NEBL: variants seen among roughly 807,000 people sequenced by gnomAD.
NEBL encodes the protein LIM and SH3 protein 2.
A neutral mutation model predicts 140.2 loss-of-function variants in NEBL; 122 were observed. That is an observed-to-expected ratio of 0.87 (90% CI 0.75 to 1.01). The LOEUF is 1.01. Ranked by LOEUF, NEBL falls within the 50% of genes least tolerant of loss-of-function variation. The pLI, the probability that NEBL is intolerant of heterozygous loss-of-function variation, is 0.00. For synonymous variants in NEBL, 436 were observed against 398.9 expected, an observed-to-expected ratio of 1.09 and a Z score of -1.11; for missense variants, 1,365 against 1,231.3, an observed-to-expected ratio of 1.11 and a Z score of -1.62.
chr10:21,252,782 C>G (rs998128375), intron 1 of NEBL, among the ~76,000 whole-genome samples: 2 of 152,074 alleles, frequency 1.3e-5, no homozygotes, highest in Non-Finnish European at 2.9e-5. Context: ...ATAGAGAAAC[C>G]CTGTCTCTAC....
rs768782402 is a variant in NEBL at position 20,845,233 on chromosome 10, T to G, written c.1227+25A>C. On this transcript the variant is annotated intron_variant, in intron 12 of 27. Coordinates refer to ENST00000377122, the MANE Select transcript of NEBL (RefSeq NM_006393.3). ...TTTTCTTTACTTTTCTTCATAATATTTAATAATAAACACCAAGATCGTACC... is the reference window on the plus strand; with the variant it reads ...TTTTCTTTACTTTTCTTCATAATATGTAATAATAAACACCAAGATCGTACC... 8.0e-6 allele frequency: 11 copies of G among 1,379,164 alleles called. No individual in the cohort carries two copies. The East Asian group carries it at 1.4e-4, about 17-fold the overall frequency. 85.4% of individuals were successfully genotyped at this position (1,379,164 alleles called of 1,614,324 possible).
At chr10:20,865,370 ATCCCTATT>A (rs1235643801) in intron 7 of NEBL, among the ~76,000 whole-genome samples, 2 of 152,172 alleles carry the variant, frequency 1.3e-5, no homozygotes, top group African/African-American at 4.8e-5. Flanking sequence ...TGTTGCTGTC[ATCCCTATT>A]TTACAAATGA....
At chr10:20,842,387 G>A (rs1396389904) in intron 12 of NEBL, among the ~76,000 whole-genome samples, 1 of 152,010 alleles carries the variant, frequency 6.6e-6, no homozygotes, top group Non-Finnish European at 1.5e-5. Context: ...AGGGCAATGG[G>A]GGGATCATAG....
chr10:20,858,635 A>G (rs759505071), intron 8 of NEBL, among the ~76,000 whole-genome samples: 1 of 152,248 alleles, frequency 6.6e-6, no homozygotes, highest in Non-Finnish European at 1.5e-5. Context: ...CAAAAAATAA[A>G]GAGAATAGCC....
At chr10:20,837,461 T>G (rs915682184) in intron 13 of NEBL, among the ~76,000 whole-genome samples, 8 of 152,086 alleles carry the variant, frequency 5.3e-5, no homozygotes, top group Non-Finnish European at 1.2e-4. Context: ...ACAAGAAAAG[T>G]TGGAAACTAG....
chr10:20,897,090 C>G (rs181676822), intron 1 of NEBL, 35 bp downstream of exon 1: 2 of 1,594,162 alleles, frequency 1.3e-6, no homozygotes, highest in Admixed American at 1.7e-5. Flanking sequence ...TTTAGAGGAA[C>G]AAACGCTGGT....
intron 3 of NEBL, among the ~76,000 whole-genome samples, chr10:20,990,104 G>A (rs960265050): frequency 6.6e-6 from 1 of 151,918 alleles, no homozygotes; most frequent in Admixed American, 6.6e-5. Context: ...ATTCTATTAT[G>A]AATTATTTTT....
chr10:20,992,777 T>C (rs1837514635), intron 3 of NEBL, among the ~76,000 whole-genome samples: 1 of 121,574 alleles, frequency 8.2e-6, no homozygotes, highest in Non-Finnish European at 1.7e-5. Flanking sequence ...TTTTTTTTTT[T>C]TTTTTTTTTT....
rs750724612 is a variant in NEBL, at chr10:20,831,584, C to T, written c.1450-1G>A. ...TCTCCAGATCTCTTTTATAGTCTTT[C>T]TGCAGAAAATGAAACATACAGTTAG... is the stretch of plus-strand genomic sequence containing the variant. On this transcript the variant is annotated splice_acceptor_variant, in intron 14 of 27. Coordinates refer to ENST00000377122, the MANE Select transcript of NEBL (RefSeq NM_006393.3). LOFTEE classifies it high-confidence loss of function. 13 of 1,585,248 alleles carry T rather than the reference C, an allele frequency of 8.2e-6. No individual in the cohort carries two copies. The highest frequency in any genetic ancestry group is 1.3e-5 in the African/African-American group (1 of 74,090).
chr10:21,207,319 A>G (rs1841843447), intron 3 of NEBL, among the ~76,000 whole-genome samples: 1 of 152,142 alleles, frequency 6.6e-6, no homozygotes, highest in East Asian at 1.9e-4. Context: ...TATAGGAATG[A>G]TGGGGATGTG....
chr10:21,208,748 C>G (rs115379156), intron 3 of NEBL, among the ~76,000 whole-genome samples: 2,695 of 152,252 alleles, frequency 0.018, 84 homozygotes, highest in African/African-American at 0.061. Context: ...CACATACATT[C>G]CTTCCACCCA....
intron 4 of NEBL, among the ~76,000 whole-genome samples, chr10:20,958,334 T>C (rs987778946): frequency 6.6e-6 from 1 of 152,070 alleles, no homozygotes; most frequent in Non-Finnish European, 1.5e-5. Flanking sequence ...AAGGAGAGGG[T>C]GGATGGCAAT....
intron 3 of NEBL, among the ~76,000 whole-genome samples, chr10:21,209,676 CT>C (rs1410807308): frequency 1.2e-5 from 1 of 80,236 alleles, no homozygotes; most frequent in African/African-American, 4.2e-5. Flanking sequence ...TTTTTTTTTT[CT>C]TTTTTTTACC....
intron 3 of NEBL, among the ~76,000 whole-genome samples, chr10:21,188,030 A>G (rs959236305): frequency 6.6e-6 from 1 of 152,058 alleles, no homozygotes; most frequent in Non-Finnish European, 1.5e-5. Context: ...GCCTTCATCA[A>G]TTACAGTTAA....
intron 2 of NEBL, among the ~76,000 whole-genome samples, chr10:21,168,905 C>T (rs919936777): frequency 8.0e-5 from 12 of 150,382 alleles, no homozygotes; most frequent in South Asian, 4.2e-4. Flanking sequence ...AAAAATTAGC[C>T]GGGCTTGGTG....
intron 27 of NEBL, 133 bp from the exon 28 acceptor site, chr10:20,786,056 G>T: frequency 1.2e-6 from 1 of 857,396 alleles, no homozygotes; most frequent in Non-Finnish European, 1.9e-6. Flanking sequence ...CTGGAAATCT[G>T]TAAACCTAGC....
chr10:21,033,478 T>C (rs1379587453), intron 2 of NEBL, among the ~76,000 whole-genome samples: 3 of 152,224 alleles, frequency 2.0e-5, no homozygotes, highest in African/African-American at 4.8e-5. Flanking sequence ...TTCCCACTTA[T>C]AAGAATATAT....
intron 20 of NEBL, among the ~76,000 whole-genome samples, chr10:20,818,297 C>A (rs1175531495): frequency 1.3e-5 from 1 of 76,396 alleles, no homozygotes. Context: ...CCTTTACTAG[C>A]TGGGTGGGGG....
At chr10:20,830,460 G>A (rs1234166223) in intron 16 of NEBL, among the ~76,000 whole-genome samples, 1 of 151,736 alleles carries the variant, frequency 6.6e-6, no homozygotes, top group Non-Finnish European at 1.5e-5. Flanking sequence ...AAATTTTTGT[G>A]GTCACTACTT....
Sources: gnomAD v4.1 joint callset for allele counts (sites outside exome capture counted in the v4.1 genomes callset) on GRCh38, gnomAD v4.1.1 for gene constraint, MANE v1.5 for transcripts, NCBI Gene and HGNC (gene_info 2026-07-23, HGNC 2026-07-21) for gene names.